OR52E4: variants seen among roughly 807,000 people sequenced by gnomAD.
OR52E4 encodes olfactory receptor 52E4.
For synonymous variants in OR52E4, 169 were observed against 137.4 expected (o/e 1.23, Z -1.61); for missense variants, 444 against 383.8 (o/e 1.16, Z -1.31).
rs1847038417 is a variant in OR52E4 at position 5,886,084 on chromosome 11, T to G, written c.*853T>G. 1.3e-5 allele frequency: 2 copies of G among 152,602 alleles called. No individual in the cohort carries two copies. Among genetic ancestry groups the G allele is most frequent in the Non-Finnish European group, 1.5e-5 (1 of 68,562 alleles). 9.5% of individuals were successfully genotyped at this position (152,602 alleles called of 1,614,324 possible). A position where few individuals can be genotyped will look rare whatever the true frequency, so the allele number is the denominator to read the frequency against. ...CGTCGGACTCCAAGTTCCTCAGTTT[T>G]GGGACTCAGAGTGGCTCTCCTTGAT... On this transcript the variant is annotated 3_prime_UTR_variant, in exon 2 of 2. Transcript: ENST00000641726.
Position 5,884,209 on chromosome 11 carries a change from G to C in OR52E4, c.-74-10G>C. The C allele has an allele frequency of 1.0e-6, 1 of 959,436 alleles. No homozygotes were observed. Among genetic ancestry groups the C allele is most frequent in the Admixed American group, 2.2e-5 (1 of 45,842 alleles). The allele number at this position is 959,436 out of a possible 1,614,324, so 59.4% of individuals were successfully genotyped here. A position where few individuals can be genotyped will look rare whatever the true frequency, so the allele number is the denominator to read the frequency against. On this transcript the variant is annotated splice_polypyrimidine_tract_variant and intron_variant, in intron 1 of 1. Coordinates refer to ENST00000641726, the MANE Select transcript of OR52E4 (RefSeq NM_001005165.2). ...CTAGCACACTGATAAGAGTCTTTCT[G>C]TTTCTTCAGGAACTTGACAAGAGAG...
In OR52E4 at chr11:5,883,506, T is replaced by C. The variant is rs571919094; in HGVS notation, c.-74-713T>C. ...CTATTGAGATACTCAGAATTTTAGT[T>C]TCTCTGAATTACATCCATAATATTT... On this transcript the variant is annotated intron_variant, in intron 1 of 1. Transcript: ENST00000641726. 5.3e-5 allele frequency among the ~76,000 whole-genome samples: 8 copies of C among 152,022 alleles called. No individual in the cohort carries two copies. The South Asian group carries it at 1.7e-3, about 31-fold the overall frequency.
At chr11:5,883,704 T>C (rs528118730) in intron 1 of OR52E4, among the ~76,000 whole-genome samples, 3 of 152,034 alleles carry the variant, frequency 2.0e-5, no homozygotes, top group Admixed American at 2.0e-4. Context: ...TAAGTTAAGA[T>C]AATAGAGCTG....
chr11:5,882,128 T>C (rs975646443), intron 1 of OR52E4, among the ~76,000 whole-genome samples: 2 of 152,040 alleles, frequency 1.3e-5, no homozygotes, highest in African/African-American at 4.8e-5. Flanking sequence ...AACTTAATAA[T>C]TTGCCCTCAA....
Position 5,885,016 on chromosome 11 carries a change from T to G in OR52E4, c.724T>G (p.Cys242Gly). ...TGTCCGACTAAAGGCCTTCAATACC[T>G]GTGGTTCTCATGTCTGTGTTATGCT... The part of the protein sequence containing the change: ...QDVRLKAFNT[C>G]GSHVCVMLCF... Residue 242 changes from cysteine (C) to glycine (G), a missense_variant, in exon 2 of 2, where the codon TGT becomes GGT. Transcript: ENST00000641726. The G allele has an allele frequency of 6.2e-7, 1 of 1,613,404 alleles. No individual in the cohort carries two copies. The highest frequency in any genetic ancestry group is 8.5e-7 in the Non-Finnish European group (1 of 1,179,584).
chr11:5,882,746 C>T (rs1846981171), intron 1 of OR52E4, among the ~76,000 whole-genome samples: 1 of 151,880 alleles, frequency 6.6e-6, no homozygotes, highest in African/African-American at 2.4e-5. Context: ...GTCACACACA[C>T]TCACACACAA....
intron 1 of OR52E4, 77 bp from the exon 2 acceptor site, chr11:5,884,142 G>T: frequency 1.6e-6 from 1 of 617,358 alleles, no homozygotes. Context: ...GGAAAGAAGT[G>T]AGTCTTGAAT....
chr11:5,882,907 G>C (rs1214068619), intron 1 of OR52E4, among the ~76,000 whole-genome samples: 2 of 152,008 alleles, frequency 1.3e-5, no homozygotes, highest in African/African-American at 4.8e-5. Flanking sequence ...GTAGAAATAA[G>C]GCCAGTACAT....
At position 5,885,330 on chromosome 11, in the gene OR52E4, C is replaced by G; in HGVS notation, c.*99C>G. 1.2e-6 allele frequency: 1 copy of G among 861,754 alleles called. No homozygotes were observed. The highest frequency in any genetic ancestry group is 2.7e-5 in the East Asian group (1 of 37,278). 53.4% of individuals were successfully genotyped at this position (861,754 alleles called of 1,614,324 possible). A position where few individuals can be genotyped will look rare whatever the true frequency, so the allele number is the denominator to read the frequency against. On this transcript the variant is annotated 3_prime_UTR_variant, in exon 2 of 2. Transcript: ENST00000641726. ...TTCTGTAACAGTTGGTCATGCTTGT[C>G]AGATTTTTTCCTTTTGACTGGAAGT... is the stretch of plus-strand genomic sequence containing the variant.
intron 1 of OR52E4, among the ~76,000 whole-genome samples, chr11:5,882,944 C>T (rs1224166566): frequency 3.3e-5 from 5 of 152,036 alleles, no homozygotes; most frequent in African/African-American, 1.2e-4. Context: ...ATCCAGGTTA[C>T]ATTAGTTGCT....
At chr11:5,882,279 C>T (rs1483029730) in intron 1 of OR52E4, among the ~76,000 whole-genome samples, 1 of 152,028 alleles carries the variant, frequency 6.6e-6, no homozygotes, top group Non-Finnish European at 1.5e-5. Flanking sequence ...GAGAAGCGTC[C>T]TCTTTGCCAT....
At position 5,885,283 on chromosome 11, in the gene OR52E4, C is replaced by A. The variant is rs770614950; in HGVS notation, c.*52C>A. On this transcript the variant is annotated 3_prime_UTR_variant, in exon 2 of 2. Transcript: ENST00000641726. ...ATCTATATACAACCCAAATTATCATCATCTGAGCTCCCTTTTTAATCTTCT... is the reference window on the plus strand; with the variant it reads ...ATCTATATACAACCCAAATTATCATAATCTGAGCTCCCTTTTTAATCTTCT... 7.6e-6 allele frequency: 9 copies of A among 1,186,254 alleles called. No homozygotes were observed. Among genetic ancestry groups the A allele is most frequent in the Non-Finnish European group, 4.7e-6 (4 of 854,250 alleles). The allele number at this position is 1,186,254 out of a possible 1,614,324, so 73.5% of individuals were successfully genotyped here. A position where few individuals can be genotyped will look rare whatever the true frequency, so the allele number is the denominator to read the frequency against.
Position 5,884,715 on chromosome 11 carries a change from A to G in OR52E4, c.423A>G (p.Lys141=), listed in dbSNP as rs1301409955. 6.2e-7 allele frequency: 1 copy of G among 1,613,628 alleles called. No individual in the cohort carries two copies. The highest frequency in any genetic ancestry group is 1.7e-5 in the Admixed American group (1 of 59,894). ...PLQYTMILTN[K]TISILASVVV... is the part of the protein sequence containing the mutation. ...AGTACACCATGATCCTCACCAATAAAACCATCAGTATCCTAGCTTCTGTGG... is the reference window on the plus strand; with the variant it reads ...AGTACACCATGATCCTCACCAATAAGACCATCAGTATCCTAGCTTCTGTGG... The change falls in exon 2 of 2, where the codon AAA becomes AAG. Residue 141 remains lysine, a synonymous_variant. Transcript: ENST00000641726.
chr11:5,885,364 G>C lies in OR52E4; in HGVS notation c.*133G>C. 1.6e-6 allele frequency: 1 copy of C among 635,852 alleles called. No homozygotes were observed. The highest frequency in any genetic ancestry group is 2.2e-5 in the South Asian group (1 of 44,698). 39.4% of individuals were successfully genotyped at this position (635,852 alleles called of 1,614,324 possible). On this transcript the variant is annotated 3_prime_UTR_variant, in exon 2 of 2. Coordinates refer to ENST00000641726, the MANE Select transcript of OR52E4 (RefSeq NM_001005165.2). The stretch of plus-strand genomic sequence containing the variant: ...TCCTTTTGACTGGAAGTGCTTTAGT[G>C]TTGACAGATAATGCAAACTTAAAAC...
Position 5,886,534 on chromosome 11 carries a change from C to G in OR52E4, c.*1303C>G, listed in dbSNP as rs984100613. ...GCTCAAGCTATGGTAAGCACAGGGC[C>G]AGACTTGATATCGACTTCAAAATAA... On this transcript the variant is annotated 3_prime_UTR_variant, in exon 2 of 2. Transcript: ENST00000641726. 1 of 151,970 alleles carries G rather than the reference C, an allele frequency of 6.6e-6. No individual in the cohort carries two copies. The highest frequency in any genetic ancestry group is 2.4e-5 in the African/African-American group (1 of 41,390). The allele number at this position is 151,970 out of a possible 1,614,324, so 9.4% of individuals were successfully genotyped here.
chr11:5,884,101 C>CTG, intron 1 of OR52E4, 118 bp from the exon 2 acceptor site: 1 of 544,880 alleles, frequency 1.8e-6, no homozygotes, highest in Non-Finnish European at 3.3e-6. Context: ...GAACAATAAT[C>CTG]TGTGTTGAGA....
At position 5,885,131 on chromosome 11, in the gene OR52E4, T is replaced by C. The variant is rs372028302; in HGVS notation, c.839T>C (p.Leu280Pro). The C allele has an allele frequency of 1.2e-5, 19 of 1,613,312 alleles. No homozygotes were observed. Among genetic ancestry groups the C allele is most frequent in the Non-Finnish European group, 1.6e-5 (19 of 1,179,620 alleles). Residue 280 changes from leucine to proline, a missense_variant, in exon 2 of 2, where the codon CTG (leucine) becomes CCG (proline). Leu to Pro is a moderately conservative substitution (Grantham distance 98, BLOSUM62 -3). Coordinates refer to ENST00000641726, the MANE Select transcript of OR52E4 (RefSeq NM_001005165.2). ...PHYIHILLAN[L>P]YVVVPPALNP... The stretch of plus-strand genomic sequence containing the variant: ...TATATCCATATTCTTTTGGCTAACC[T>C]GTATGTGGTTGTCCCACCTGCCCTT...
At position 5,883,399 on chromosome 11, in the gene OR52E4, C is replaced by T. The variant is rs989691096; in HGVS notation, c.-74-820C>T. ...GTGATGTCACTGTATAAGATCCTTACGTTTATATTATAATAAAACATAGAA... is the reference window on the plus strand; with the variant it reads ...GTGATGTCACTGTATAAGATCCTTATGTTTATATTATAATAAAACATAGAA... On this transcript the variant is annotated intron_variant, in intron 1 of 1. Coordinates refer to ENST00000641726, the MANE Select transcript of OR52E4 (RefSeq NM_001005165.2). Among the ~76,000 whole-genome samples the T allele has an allele frequency of 9.9e-5, 15 of 152,036 alleles. No homozygotes were observed. The East Asian group carries it at 1.4e-3, about 14-fold the overall frequency.
At position 5,884,737 on chromosome 11, in the gene OR52E4, G is replaced by A. The variant is rs1346854776; in HGVS notation, c.445G>A (p.Val149Met). The A allele has an allele frequency of 6.2e-7, 1 of 1,613,628 alleles. No homozygotes were observed. Among genetic ancestry groups the A allele is most frequent in the Admixed American group, 1.7e-5 (1 of 59,876 alleles). The change falls in exon 2 of 2, where the codon GTG (valine) becomes ATG (methionine). Residue 149 changes from valine to methionine, a missense_variant. Transcript: ENST00000641726. ...TNKTISILASVVVGRNLVLVT... is the reference protein window; with the variant it reads ...TNKTISILASMVVGRNLVLVT... ...TAAAACCATCAGTATCCTAGCTTCT[G>A]TGGTTGTTGGAAGAAATTTAGTTCT...
Sources: allele counts gnomAD v4.1 joint callset (sites outside exome capture counted in the v4.1 genomes callset), GRCh38; gene constraint gnomAD v4.1.1; transcripts MANE v1.5; gene names NCBI Gene and HGNC (gene_info 2026-07-23, HGNC 2026-07-21).